ATP6V0A4: variants seen among roughly 807,000 people sequenced by gnomAD.
ATP6V0A4 encodes V-type proton ATPase 116 kDa subunit a 4.
ATP6V0A4 carries 86 observed loss-of-function variants against 107.3 expected under a neutral mutation model. That is an observed-to-expected ratio of 0.80 (90% CI 0.67 to 0.96). ATP6V0A4 has a LOEUF of 0.96. Among genes scored for constraint, ATP6V0A4 ranks in the 40% least tolerant of loss-of-function variants. The probability of loss-of-function intolerance (pLI) is 0.00; values close to 1 mark genes in which losing one functional copy is unlikely to be tolerated. For missense variants in ATP6V0A4, 908 were observed against 1,045.6 expected (o/e 0.87, Z 1.81); for synonymous variants, 353 against 381.4 (o/e 0.93, Z 0.87).
chr7:138,716,074 T>G, intron 19 of ATP6V0A4, 193 bp from the exon 20 acceptor site: 1 of 347,458 alleles, frequency 2.9e-6, no homozygotes, highest in Non-Finnish European at 4.1e-6. Flanking sequence ...TGTCTTAACG[T>G]TCCCCAGCAA....
intron 21 of ATP6V0A4, among the ~76,000 whole-genome samples, chr7:138,707,177 A>T (rs1410507629): frequency 1.4e-5 from 1 of 73,508 alleles, no homozygotes; most frequent in Non-Finnish European, 2.3e-5. Flanking sequence ...TATATATATT[A>T]TATAATATAT....
intron 2 of ATP6V0A4, among the ~76,000 whole-genome samples, chr7:138,783,328 T>A (rs1036269033): frequency 4.6e-5 from 7 of 152,040 alleles, no homozygotes; most frequent in Non-Finnish European, 5.9e-5. Flanking sequence ...CTCAGCACTA[T>A]GGGGGACCGA....
At position 138,723,523 on chromosome 7, in the gene ATP6V0A4, C is replaced by CTTTTTTTTTTTTTTT. The variant is rs10528520; in HGVS notation, c.2011-1513_2011-1499dup. The stretch of plus-strand genomic sequence containing the variant: ...ACGTATCTGGACCCTTCTTTCTTTT[C>CTTTTTTTTTTTTTTT]TTTTTTTTTTTTTTTTTTTTGAGAA... On this transcript the variant is annotated intron_variant, in intron 18 of 21. Coordinates refer to ENST00000310018, the MANE Select transcript of ATP6V0A4 (RefSeq NM_020632.3). Among the ~76,000 whole-genome samples, 14 of 128,262 alleles carry CTTTTTTTTTTTTTTT rather than the reference C, an allele frequency of 1.1e-4. 1 individual carries two copies. Among genetic ancestry groups the CTTTTTTTTTTTTTTT allele is most frequent in the South Asian group, 2.4e-4 (1 of 4,146 alleles). 84.1% of individuals were successfully genotyped at this position (128,262 alleles called of 152,430 possible).
chr7:138,751,818 A>C (rs1806241417), intron 11 of ATP6V0A4, among the ~76,000 whole-genome samples: 2 of 152,092 alleles, frequency 1.3e-5, no homozygotes, highest in Non-Finnish European at 2.9e-5. Context: ...TATAACCTCC[A>C]TGAGGTAACA....
chr7:138,758,219 G>A (rs927332827), intron 8 of ATP6V0A4, among the ~76,000 whole-genome samples: 11 of 152,102 alleles, frequency 7.2e-5, no homozygotes, highest in African/African-American at 2.7e-4. Context: ...ACAGTAATAT[G>A]GGGAGGGATC....
At chr7:138,718,279 G>GGTGT (rs777538832) in intron 19 of ATP6V0A4, among the ~76,000 whole-genome samples, 41 of 12,946 alleles carry the variant, frequency 3.2e-3, no homozygotes, top group African/African-American at 6.8e-3. Context: ...AAGGAATGGC[G>GGTGT]GTGTGTGTGT....
intron 2 of ATP6V0A4, 70 bp from the exon 3 acceptor site, chr7:138,771,334 T>G (rs1175240392): frequency 1.9e-6 from 3 of 1,543,008 alleles, no homozygotes; most frequent in Non-Finnish European, 2.6e-6. Flanking sequence ...GGGTGAAATT[T>G]TTAAGTTAAA....
intron 2 of ATP6V0A4, among the ~76,000 whole-genome samples, chr7:138,777,048 C>T (rs549685800): frequency 2.6e-5 from 4 of 151,986 alleles, no homozygotes; most frequent in African/African-American, 9.6e-5. Context: ...ACTCAGGAGG[C>T]TGAGGCACGA....
intron 14 of ATP6V0A4, among the ~76,000 whole-genome samples, chr7:138,740,490 G>C (rs1031819707): frequency 1.4e-5 from 2 of 146,640 alleles, no homozygotes; most frequent in Admixed American, 1.4e-4. Flanking sequence ...GCAATGGCAC[G>C]ATCTTGGCTC....
At position 138,709,625 on chromosome 7, in the gene ATP6V0A4, A is replaced by G. The variant is rs1803630661; in HGVS notation, c.2428T>C (p.Trp810Arg). Residue 810 changes from tryptophan (W) to arginine (R), a missense_variant and splice_region_variant, in exon 21 of 22, where the codon TGG (tryptophan) becomes CGG (arginine). Coordinates refer to ENST00000310018, the MANE Select transcript of ATP6V0A4 (RefSeq NM_020632.3). ...CTTCCAGGGGACAACCATCCTTACCAGTGCAGTCGCAGGGCGTGCAGGAAA... is the reference window on the plus strand; with the variant it reads ...CTTCCAGGGGACAACCATCCTTACCGGTGCAGTCGCAGGGCGTGCAGGAAA... ...SAFLHALRLH[W>R]VEFQNKFYVG... 2 of 1,612,262 alleles carry G rather than the reference A, an allele frequency of 1.2e-6. No individual in the cohort carries two copies. Among genetic ancestry groups the G allele is most frequent in the Non-Finnish European group, 1.7e-6 (2 of 1,178,956 alleles).
intron 1 of ATP6V0A4, among the ~76,000 whole-genome samples, chr7:138,793,995 T>C (rs1808542452): frequency 6.6e-6 from 1 of 152,194 alleles, no homozygotes; most frequent in Non-Finnish European, 1.5e-5. Flanking sequence ...TGGCATGATC[T>C]TAACAGCTGT....
rs545593553 is a variant in ATP6V0A4 at position 138,734,092 on chromosome 7, G to C, written c.1691+44C>G. 9.6e-6 allele frequency: 15 copies of C among 1,562,300 alleles called. No individual in the cohort carries two copies. The African/African-American group carries it at 1.2e-4, about 13-fold the overall frequency. On this transcript the variant is annotated intron_variant, in intron 16 of 21. Coordinates refer to ENST00000310018, the MANE Select transcript of ATP6V0A4 (RefSeq NM_020632.3). ...GTGGCTCTGTCACCATTCATCATCA[G>C]TGTGATCAGACAGAGCAGGCAGAGA...
At chr7:138,715,980 C>A in intron 19 of ATP6V0A4, 99 bp from the exon 20 acceptor site, 1 of 1,489,234 alleles carries the variant, frequency 6.7e-7, no homozygotes, top group South Asian at 1.1e-5. Context: ...CTTTGCTGTT[C>A]AGACACTTTC....
intron 13 of ATP6V0A4, 108 bp from the exon 14 acceptor site, chr7:138,745,388 G>C (rs1217067996): frequency 2.6e-6 from 4 of 1,536,330 alleles, no homozygotes; most frequent in Admixed American, 3.4e-5. Context: ...GGCACCCTTG[G>C]GGGAGCCACA....
intron 17 of ATP6V0A4, among the ~76,000 whole-genome samples, chr7:138,731,585 T>C (rs1240032018): frequency 6.6e-6 from 1 of 152,144 alleles, no homozygotes; most frequent in East Asian, 1.9e-4. Flanking sequence ...CAATAGGATT[T>C]GTATACCTTT....
intron 2 of ATP6V0A4, among the ~76,000 whole-genome samples, chr7:138,776,252 T>G (rs932070307): frequency 1.4e-4 from 22 of 152,204 alleles, no homozygotes; most frequent in Non-Finnish European, 1.6e-4. Context: ...TTTGGGAAAA[T>G]CAGCTAAGCT....
intron 19 of ATP6V0A4, among the ~76,000 whole-genome samples, chr7:138,716,819 C>G (rs1165323850): frequency 6.6e-6 from 1 of 152,194 alleles, no homozygotes; most frequent in Non-Finnish European, 1.5e-5. Flanking sequence ...CTGCCTCAGC[C>G]TCCCAAAGTG....
chr7:138,718,201 GGTGT>G lies in ATP6V0A4; in HGVS notation c.2140-2324_2140-2321del, dbSNP rs745612469. ...GGAGGGAGACGTCCAGGAAGGAATG[GGTGT>G]GTGTGTGTGTGTGTGTGTGTGTGTG... On this transcript the variant is annotated intron_variant, in intron 19 of 21. Transcript: ENST00000310018. 7.9e-4 allele frequency among the ~76,000 whole-genome samples: 36 copies of G among 45,534 alleles called. 1 individual carries two copies. Among genetic ancestry groups the G allele is most frequent in the Non-Finnish European group, 1.0e-3 (28 of 26,884 alleles). The allele number at this position is 45,534 out of a possible 152,430, so 29.9% of individuals were successfully genotyped here.
intron 2 of ATP6V0A4, among the ~76,000 whole-genome samples, chr7:138,784,129 C>G (rs1808036991): frequency 6.6e-6 from 1 of 150,436 alleles, no homozygotes; most frequent in Non-Finnish European, 1.5e-5. Flanking sequence ...TTGCCCAAAG[C>G]CAGATAATAC....
Sources: gnomAD v4.1 joint callset for allele counts (sites outside exome capture counted in the v4.1 genomes callset) on GRCh38, gnomAD v4.1.1 for gene constraint, MANE v1.5 for transcripts, NCBI Gene and HGNC (gene_info 2026-07-23, HGNC 2026-07-21) for gene names.